CNTN5: variants seen among roughly 807,000 people sequenced by gnomAD.
CNTN5 encodes the protein contactin 5, also known as contactin-5.
Under a neutral mutation model 129.1 loss-of-function variants are expected in CNTN5, and 77 were observed. The ratio of observed to expected loss-of-function variants is 0.60; its 90% confidence interval spans 0.50 to 0.72. The LOEUF is 0.72. Ranked by LOEUF, CNTN5 falls within the 30% of genes least tolerant of loss-of-function variation. The probability of loss-of-function intolerance (pLI) is 0.00; values close to 1 mark genes in which losing one functional copy is unlikely to be tolerated. For synonymous variants in CNTN5, 509 were observed against 465.6 expected (o/e 1.09, Z -1.20); for missense variants, 1,478 against 1,328.8 (o/e 1.11, Z -1.75).
chr11:100,052,079 A>G (rs1395927271), intron 9 of CNTN5, among the ~76,000 whole-genome samples: 2 of 151,966 alleles, frequency 1.3e-5, no homozygotes, highest in African/African-American at 4.8e-5. Flanking sequence ...TGTTTTAACT[A>G]TTAAAAAGCA....
chr11:99,860,541 A>G, intron 6 of CNTN5, among the ~76,000 whole-genome samples: 1 of 152,188 alleles, frequency 6.6e-6, no homozygotes, highest in Non-Finnish European at 1.5e-5. Context: ...CAGTTATCCC[A>G]GCATCATTTA....
At chr11:99,993,902 T>C (rs6590494) in intron 8 of CNTN5, among the ~76,000 whole-genome samples, 57,491 of 152,092 alleles carry the variant, frequency 0.38, 12,370 homozygotes, top group African/African-American at 0.59. Context: ...GATGAGAAAA[T>C]TTTAAAAACC....
At chr11:99,923,515 A>G (rs887217071) in intron 7 of CNTN5, among the ~76,000 whole-genome samples, 1 of 152,158 alleles carries the variant, frequency 6.6e-6, no homozygotes, top group African/African-American at 2.4e-5. Flanking sequence ...TTTTACTTAC[A>G]TATTTGACTT....
At chr11:99,996,622 A>G (rs1280420647) in intron 8 of CNTN5, among the ~76,000 whole-genome samples, 1 of 152,064 alleles carries the variant, frequency 6.6e-6, no homozygotes, top group Non-Finnish European at 1.5e-5. Context: ...GATCTCCTCA[A>G]ATATGCATGT....
chr11:99,037,576 C>CTTTTTTTTTTTTTTTTTTTTTTTTTTT (rs1161467398), intron 1 of CNTN5, among the ~76,000 whole-genome samples: 1 of 105,670 alleles, frequency 9.5e-6, no homozygotes, highest in Non-Finnish European at 1.9e-5. Context: ...TTTTTCTTTT[C>CTTTTTTTTTTTTTTTTTTTTTTTTTTT]TTTTTTTTTT....
At chr11:99,327,351 TCAATTAC>T (rs1311342939) in intron 2 of CNTN5, among the ~76,000 whole-genome samples, 1 of 152,172 alleles carries the variant, frequency 6.6e-6, no homozygotes, top group Non-Finnish European at 1.5e-5. Context: ...GTGCATTCTA[TCAATTAC>T]CAACCAAATT....
chr11:99,312,575 A>G (rs1865158911), intron 1 of CNTN5, among the ~76,000 whole-genome samples: 1 of 152,116 alleles, frequency 6.6e-6, no homozygotes, highest in Non-Finnish European at 1.5e-5. Flanking sequence ...AGTTAAGAAA[A>G]TTGGTTCTAT....
chr11:99,171,726 C>G (rs1357620395), intron 1 of CNTN5, among the ~76,000 whole-genome samples: 2 of 152,126 alleles, frequency 1.3e-5, no homozygotes, highest in East Asian at 3.9e-4. Context: ...AGTGTTTTCT[C>G]TTGTTAAGAA....
intron 3 of CNTN5, among the ~76,000 whole-genome samples, chr11:99,778,099 T>A (rs1945187979): frequency 6.6e-6 from 1 of 151,874 alleles, no homozygotes; most frequent in Non-Finnish European, 1.5e-5. Flanking sequence ...TCTTACCAGA[T>A]GCACTGTTCA....
intron 2 of CNTN5, among the ~76,000 whole-genome samples, chr11:99,417,800 A>C (rs1223661792): frequency 2.6e-5 from 4 of 152,172 alleles, no homozygotes; most frequent in Non-Finnish European, 5.9e-5. Flanking sequence ...TTCTTTGGAT[A>C]CTAAAACCAT....
chr11:100,021,123 C>T (rs1941115941), intron 9 of CNTN5, among the ~76,000 whole-genome samples: 1 of 152,002 alleles, frequency 6.6e-6, no homozygotes, highest in Non-Finnish European at 1.5e-5. Flanking sequence ...AATATTTTAG[C>T]ATTTCTCTGT....
At chr11:99,130,710 A>G (rs1341906774) in intron 1 of CNTN5, among the ~76,000 whole-genome samples, 3 of 135,272 alleles carry the variant, frequency 2.2e-5, no homozygotes, top group Non-Finnish European at 3.3e-5. Flanking sequence ...CATAATTGGA[A>G]GTAAAACACT....
chr11:99,803,811 A>T (rs117553310), intron 3 of CNTN5, among the ~76,000 whole-genome samples: 2 of 152,144 alleles, frequency 1.3e-5, no homozygotes, highest in Non-Finnish European at 2.9e-5. Context: ...GTCCCGTTAC[A>T]GTGCTCTCTT....
At chr11:99,631,124 G>C (rs1951332022) in intron 3 of CNTN5, among the ~76,000 whole-genome samples, 2 of 152,084 alleles carry the variant, frequency 1.3e-5, no homozygotes, top group South Asian at 4.1e-4. Context: ...GAATCACACT[G>C]AGTGCTTTTC....
intron 13 of CNTN5, among the ~76,000 whole-genome samples, chr11:100,091,094 T>C: frequency 6.6e-6 from 1 of 152,126 alleles, no homozygotes; most frequent in African/African-American, 2.4e-5. Flanking sequence ...TTTGTCTTTC[T>C]CTTTGTCCCA....
chr11:100,299,411 T>C lies in CNTN5; in HGVS notation c.2620+15T>C. On this transcript the variant is annotated intron_variant, in intron 20 of 24. Transcript: ENST00000524871. ...AGCTGAAGGAGGTCAGTTTTTTTAT[T>C]CCTATTATTTTTATTTAACATTTTA... The C allele has an allele frequency of 6.8e-7, 1 of 1,467,566 alleles. No homozygotes were observed. Among genetic ancestry groups the C allele is most frequent in the Non-Finnish European group, 9.4e-7 (1 of 1,068,714 alleles). The allele number at this position is 1,467,566 out of a possible 1,614,324, so 90.9% of individuals were successfully genotyped here.
intron 15 of CNTN5, among the ~76,000 whole-genome samples, chr11:100,196,729 T>A (rs1948647821): frequency 6.6e-6 from 1 of 152,010 alleles, no homozygotes; most frequent in African/African-American, 2.4e-5. Flanking sequence ...TTGGAGTGAA[T>A]CCATTATTGG....
chr11:100,056,149 T>A (rs1943212145), intron 9 of CNTN5, among the ~76,000 whole-genome samples: 1 of 151,736 alleles, frequency 6.6e-6, no homozygotes, highest in Non-Finnish European at 1.5e-5. Flanking sequence ...GAATATTTAC[T>A]TTTATTGTCA....
intron 1 of CNTN5, among the ~76,000 whole-genome samples, chr11:99,164,230 G>C (rs1157688080): frequency 6.6e-6 from 1 of 150,646 alleles, no homozygotes; most frequent in Non-Finnish European, 1.5e-5. Context: ...GGAAGCTGAG[G>C]CAGAATTGTC....
Sources: allele counts gnomAD v4.1 joint callset (sites outside exome capture counted in the v4.1 genomes callset), GRCh38; gene constraint gnomAD v4.1.1; transcripts MANE v1.5; gene names NCBI Gene and HGNC (gene_info 2026-07-23, HGNC 2026-07-21).